Variants in KANK1 observed in about 807,000 individuals in gnomAD.
KANK1 encodes KN motif and ankyrin repeat domains 1, also known as KN motif and ankyrin repeat domain-containing protein 1.
Under a neutral mutation model 106.2 loss-of-function variants are expected in KANK1, and 109 were observed. The observed-to-expected ratio is 1.03, with a 90% confidence interval of 0.88 to 1.20. The LOEUF (loss-of-function observed/expected upper bound fraction) is 1.20, where lower values mean the gene tolerates loss of function less well. Among genes scored for constraint, KANK1 ranks in the 50% most tolerant of loss-of-function variants. KANK1 has a pLI of 0.00. For synonymous variants in KANK1, 873 were observed against 652.2 expected, an observed-to-expected ratio of 1.34 and a Z score of -5.16; for missense variants, 2,399 against 1,710.7, an observed-to-expected ratio of 1.40 and a Z score of -7.10.
chr9:498,060 A>G (rs2058486087), intron 3 of KANK1, among the ~76,000 whole-genome samples: 2 of 152,004 alleles, frequency 1.3e-5, no homozygotes, highest in African/African-American at 4.8e-5. Context: ...CGAGATTTCT[A>G]CCTGCAGCAT....
At chr9:741,018 T>G (rs1344491306) in intron 9 of KANK1, 84 bp downstream of exon 9, 5 of 1,471,766 alleles carry the variant, frequency 3.4e-6, no homozygotes, top group Non-Finnish European at 4.6e-6. Flanking sequence ...AGAGCAGGCA[T>G]AGATGCCACG....
At chr9:496,597 TGAAA>T (rs1044332110) in intron 3 of KANK1, among the ~76,000 whole-genome samples, 15 of 152,120 alleles carry the variant, frequency 9.9e-5, no homozygotes, top group African/African-American at 1.4e-4. Context: ...AATAAATAAA[TGAAA>T]GAAATAAAAT....
intron 2 of KANK1, chr9:693,539 C>T: frequency 7.1e-6 from 7 of 985,376 alleles, no homozygotes; most frequent in Non-Finnish European, 8.4e-6. Flanking sequence ...TTTTTAAGAT[C>T]TTGCTAGCAG....
At chr9:714,868 T>C (rs950963195) in intron 3 of KANK1, among the ~76,000 whole-genome samples, 1 of 152,182 alleles carries the variant, frequency 6.6e-6, no homozygotes, top group Non-Finnish European at 1.5e-5. Context: ...ATCCTCAGCT[T>C]AGGACCACAC....
At chr9:579,734 G>C (rs190100877) in intron 1 of KANK1, among the ~76,000 whole-genome samples, 1 of 152,272 alleles carries the variant, frequency 6.6e-6, no homozygotes, top group African/African-American at 2.4e-5. Flanking sequence ...GGAGTAGCTT[G>C]CATAGATGGA....
At chr9:509,607 T>C (rs1221140373) in intron 1 of KANK1, among the ~76,000 whole-genome samples, 1 of 152,230 alleles carries the variant, frequency 6.6e-6, no homozygotes, top group East Asian at 1.9e-4. Context: ...AATCCTCTTA[T>C]TAGAAATGTG....
intron 1 of KANK1, among the ~76,000 whole-genome samples, chr9:670,636 C>T (rs191769508): frequency 5.3e-5 from 8 of 152,114 alleles, no homozygotes; most frequent in Non-Finnish European, 1.2e-4. Flanking sequence ...TCTGATTTGG[C>T]GTCTCCTTTG....
At chr9:723,249 G>T (rs574082430) in intron 3 of KANK1, among the ~76,000 whole-genome samples, 6 of 152,248 alleles carry the variant, frequency 3.9e-5, no homozygotes, top group Non-Finnish European at 8.8e-5. Flanking sequence ...GGAGGAGGTG[G>T]ACCTTGATTG....
chr9:660,707 C>T (rs1363100193), intron 1 of KANK1, among the ~76,000 whole-genome samples: 3 of 152,270 alleles, frequency 2.0e-5, no homozygotes, highest in Middle Eastern at 3.4e-3. Context: ...GAACAATCCT[C>T]GGTGAATCTA....
chr9:729,102 C>A (rs1380908886), intron 3 of KANK1, among the ~76,000 whole-genome samples: 1 of 152,226 alleles, frequency 6.6e-6, no homozygotes, highest in Non-Finnish European at 1.5e-5. Context: ...ATTGACATAT[C>A]TGTATACATT....
At chr9:578,291 T>C (rs1025447079) in intron 1 of KANK1, among the ~76,000 whole-genome samples, 1 of 151,982 alleles carries the variant, frequency 6.6e-6, no homozygotes, top group Non-Finnish European at 1.5e-5. Flanking sequence ...TAAGGAAGTA[T>C]GATTTGGATT....
At chr9:577,056 C>T (rs12379270) in intron 1 of KANK1, among the ~76,000 whole-genome samples, 41,258 of 152,050 alleles carry the variant, frequency 0.27, 7,245 homozygotes, top group South Asian at 0.53. Context: ...AGGAGTGAAT[C>T]TGCAGACCTT....
intron 3 of KANK1, among the ~76,000 whole-genome samples, chr9:477,361 C>G (rs763234413): frequency 6.7e-5 from 10 of 149,106 alleles, no homozygotes; most frequent in Non-Finnish European, 1.3e-4. Context: ...CCTAGAATAA[C>G]TGTCTTTAAA....
At chr9:669,779 A>C (rs560888674) in intron 1 of KANK1, among the ~76,000 whole-genome samples, 6 of 152,046 alleles carry the variant, frequency 3.9e-5, no homozygotes, top group Admixed American at 2.6e-4. Context: ...TATTTTGGAA[A>C]GTTTTCTGTT....
intron 2 of KANK1, among the ~76,000 whole-genome samples, chr9:700,339 G>A (rs1161857848): frequency 1.3e-5 from 2 of 152,182 alleles, no homozygotes; most frequent in Non-Finnish European, 2.9e-5. Context: ...TAGCGAAGCT[G>A]CTGGGTCTCA....
intron 1 of KANK1, among the ~76,000 whole-genome samples, chr9:602,554 G>A (rs753198287): frequency 1.7e-4 from 25 of 150,916 alleles, no homozygotes; most frequent in African/African-American, 3.7e-4. Context: ...TGTTGCACCC[G>A]GCCCCCATTC....
Position 711,410 on chromosome 9 carries a change from G to T in KANK1, c.644G>T (p.Gly215Val), listed in dbSNP as rs1826038256. ...CCTGCCAAGCACCAGCTTCAGAATG[G>T]ATACCAAGGTAATGGGGATTATGGT... is the stretch of plus-strand genomic sequence containing the variant. The part of the protein sequence containing the change: ...HNPAKHQLQN[G>V]YQGNGDYGSY... The change falls in exon 3 of 12, where the codon GGA (glycine) becomes GTA (valine). Residue 215 changes from glycine to valine, a missense_variant. By Grantham distance (109) the Gly-to-Val change is moderately radical. Coordinates refer to ENST00000382297, the MANE Select transcript of KANK1 (RefSeq NM_015158.5). 1.9e-6 allele frequency: 3 copies of T among 1,614,046 alleles called. No individual in the cohort carries two copies. Among genetic ancestry groups the T allele is most frequent in the Admixed American group, 3.3e-5 (2 of 60,002 alleles).
chr9:518,195 C>G (rs757429536), intron 1 of KANK1, among the ~76,000 whole-genome samples: 27 of 151,830 alleles, frequency 1.8e-4, no homozygotes, highest in Non-Finnish European at 2.9e-5. Flanking sequence ...GAATCATTTT[C>G]TTGGGAACTT....
chr9:529,556 C>A (rs2059966706), intron 1 of KANK1, among the ~76,000 whole-genome samples: 1 of 152,154 alleles, frequency 6.6e-6, no homozygotes, highest in Non-Finnish European at 1.5e-5. Flanking sequence ...TGTGAAATCA[C>A]AGATGATAAT....
Sources: gnomAD v4.1 joint callset for allele counts (sites outside exome capture counted in the v4.1 genomes callset) on GRCh38, gnomAD v4.1.1 for gene constraint, MANE v1.5 for transcripts, NCBI Gene and HGNC (gene_info 2026-07-23, HGNC 2026-07-21) for gene names.